INO80C: variants seen among roughly 807,000 people sequenced by gnomAD.
INO80C encodes IES6 homolog.
In INO80C, 17 loss-of-function variants were observed where a neutral mutation model predicts 17.7. The ratio of observed to expected loss-of-function variants is 0.96; its 90% CI spans 0.66 to 1.44. The LOEUF is 1.44. Ranked by LOEUF, INO80C falls within the 40% of genes most tolerant of loss-of-function variation. The probability of loss-of-function intolerance (pLI) is 0.00; values close to 1 mark genes in which losing one functional copy is unlikely to be tolerated. For missense variants in INO80C, 244 were observed against 245.0 expected (o/e 1.00, Z 0.03); for synonymous variants, 96 against 95.8 (o/e 1.00, Z -0.01).
chr18:35,471,645 G>A (rs2045671291), intron 4 of INO80C, among the ~76,000 whole-genome samples: 1 of 151,570 alleles, frequency 6.6e-6, no homozygotes, highest in Non-Finnish European at 1.5e-5. Flanking sequence ...GGGTACATGT[G>A]CACAATGTGC....
intron 1 of INO80C, among the ~76,000 whole-genome samples, chr18:35,483,267 C>T (rs1171645211): frequency 6.6e-6 from 1 of 152,074 alleles, no homozygotes; most frequent in African/African-American, 2.4e-5. Flanking sequence ...CTGGGAGACC[C>T]AGTCTGATAA....
intron 1 of INO80C, among the ~76,000 whole-genome samples, chr18:35,489,782 G>C (rs976144432): frequency 4.6e-5 from 7 of 152,070 alleles, no homozygotes; most frequent in Non-Finnish European, 5.9e-5. Flanking sequence ...TCCTGAATTT[G>C]ATAAAATTTG....
chr18:35,491,614 C>G (rs1337069168), intron 1 of INO80C, among the ~76,000 whole-genome samples: 8 of 152,104 alleles, frequency 5.3e-5, no homozygotes, highest in Admixed American at 5.2e-4. Context: ...TCCTCTCCCC[C>G]GACCCCCACA....
chr18:35,469,598 G>A (rs2045645205), intron 4 of INO80C, among the ~76,000 whole-genome samples: 1 of 152,122 alleles, frequency 6.6e-6, no homozygotes, highest in South Asian at 2.1e-4. Context: ...CACCTCTGGG[G>A]AAGCCTATTT....
intron 1 of INO80C, among the ~76,000 whole-genome samples, chr18:35,494,200 T>C (rs759371414): frequency 6.6e-6 from 1 of 152,216 alleles, no homozygotes. Flanking sequence ...TAGACATTAC[T>C]ATATCTTCCT....
At chr18:35,473,871 A>G (rs2045699549) in intron 4 of INO80C, among the ~76,000 whole-genome samples, 1 of 152,134 alleles carries the variant, frequency 6.6e-6, no homozygotes, top group African/African-American at 2.4e-5. Flanking sequence ...GGGAAACATC[A>G]TGGGCTTTCT....
chr18:35,494,250 C>G (rs1000534959), intron 1 of INO80C, among the ~76,000 whole-genome samples: 1 of 152,090 alleles, frequency 6.6e-6, no homozygotes, highest in African/African-American at 2.4e-5. Flanking sequence ...TCCAGTACAC[C>G]CCTGCTACCT....
Position 35,469,327 on chromosome 18 carries a change from A to AT in INO80C, c.448-586dup, listed in dbSNP as rs2045642040. On this transcript the variant is annotated intron_variant, in intron 4 of 4. Transcript: ENST00000334598. ...AATTCTGATCATGTCATTCCTCGGC[A>AT]TAAAATCTCTCAAAATGGCTCCTCT... 2.0e-5 allele frequency among the ~76,000 whole-genome samples: 3 copies of AT among 152,202 alleles called. No homozygotes were observed. In the South Asian group the frequency reaches 6.2e-4, roughly 32 times the overall value.
chr18:35,478,380 A>C, intron 3 of INO80C, 31 bp from the exon 4 acceptor site: 3 of 1,434,982 alleles, frequency 2.1e-6, no homozygotes, highest in Non-Finnish European at 2.9e-6. Flanking sequence ...AGATAACTAA[A>C]CTGAACTGAA....
chr18:35,474,740 T>C (rs979043111), intron 4 of INO80C, among the ~76,000 whole-genome samples: 2 of 152,038 alleles, frequency 1.3e-5, no homozygotes, highest in Non-Finnish European at 2.9e-5. Context: ...ATGAAAACTA[T>C]AATAATCAAA....
chr18:35,494,388 AG>A (rs2045958930), intron 1 of INO80C, among the ~76,000 whole-genome samples: 1 of 152,220 alleles, frequency 6.6e-6, no homozygotes, highest in Non-Finnish European at 1.5e-5. Flanking sequence ...CTTTTAAAAA[AG>A]GTGATTATCC....
chr18:35,497,679 T>TCGCGA, intron 1 of INO80C, 40 bp downstream of exon 1: 1 of 1,591,370 alleles, frequency 6.3e-7, no homozygotes, highest in Middle Eastern at 2.2e-4. Context: ...AAGTCCCGTT[T>TCGCGA]CGCGACGCGC....
chr18:35,491,433 C>T (rs2045931943), intron 1 of INO80C, among the ~76,000 whole-genome samples: 1 of 152,152 alleles, frequency 6.6e-6, no homozygotes, highest in South Asian at 2.1e-4. Flanking sequence ...CTGCCAGACC[C>T]CCGCTGGGAA....
At chr18:35,469,277 G>A (rs186084976) in intron 4 of INO80C, among the ~76,000 whole-genome samples, 78 of 152,192 alleles carry the variant, frequency 5.1e-4, no homozygotes, top group Non-Finnish European at 4.1e-4. Context: ...CTAGAACTGC[G>A]GCCAGGATCT....
chr18:35,480,706 C>G (rs886311309), intron 1 of INO80C, 143 bp from the exon 2 acceptor site: 2 of 661,484 alleles, frequency 3.0e-6, no homozygotes, highest in Admixed American at 4.9e-5. Context: ...GCAGCCTGCC[C>G]TAGGGGAGGG....
chr18:35,485,622 A>AT (rs986116130), intron 1 of INO80C, among the ~76,000 whole-genome samples: 48 of 152,296 alleles, frequency 3.2e-4, no homozygotes, highest in African/African-American at 1.1e-3. Context: ...CAAAAACACC[A>AT]TTAAAAAAAA....
intron 1 of INO80C, chr18:35,483,398 T>C (rs1353224624): frequency 1.3e-5 from 2 of 152,154 alleles, no homozygotes; most frequent in Admixed American, 6.5e-5. Context: ...GTATATATTG[T>C]ATATATGATT....
Position 35,497,707 on chromosome 18 carries a change from G to A in INO80C, c.156+12C>T. 1 of 1,608,836 alleles carries A rather than the reference G, an allele frequency of 6.2e-7. No individual in the cohort carries two copies. The highest frequency in any genetic ancestry group is 8.5e-7 in the Non-Finnish European group (1 of 1,177,900). The stretch of plus-strand genomic sequence containing the variant: ...CGACGCGCACGCGCAGCCTGGGAGC[G>A]CGACTGCGTACCTGCGCAAAGCTGG... On this transcript the variant is annotated intron_variant, in intron 1 of 4. Transcript: ENST00000334598.
chr18:35,491,352 G>A (rs910968667), intron 1 of INO80C, among the ~76,000 whole-genome samples: 1 of 152,158 alleles, frequency 6.6e-6, no homozygotes, highest in South Asian at 2.1e-4. Context: ...GTCAAGAAGA[G>A]GATGAAAATG....
Sources: gnomAD v4.1 joint callset for allele counts (sites outside exome capture counted in the v4.1 genomes callset) on GRCh38, gnomAD v4.1.1 for gene constraint, MANE v1.5 for transcripts, NCBI Gene and HGNC (gene_info 2026-07-23, HGNC 2026-07-21) for gene names.